The following CELF2 variants were observed in gnomAD, a reference collection of about 807,000 sequenced individuals.
CELF2 encodes CUG triplet repeat RNA-binding protein 2.
A neutral mutation model predicts 62.6 loss-of-function variants in CELF2; 8 were observed. The ratio of observed to expected loss-of-function variants is 0.13; its 90% CI spans 0.07 to 0.23. The LOEUF (loss-of-function observed/expected upper bound fraction) is 0.23, where lower values mean the gene tolerates loss of function less well. Ranked by LOEUF, CELF2 falls within the 10% of genes least tolerant of loss-of-function variation. The pLI is 1.00. For missense variants in CELF2, 333 were observed against 671.0 expected, an observed-to-expected ratio of 0.50 and a Z score of 5.56; for synonymous variants, 258 against 250.0, an observed-to-expected ratio of 1.03 and a Z score of -0.30.
intron 2 of CELF2, among the ~76,000 whole-genome samples, chr10:11,205,317 A>G (rs1486471848): frequency 6.6e-6 from 1 of 152,202 alleles, no homozygotes; most frequent in Non-Finnish European, 1.5e-5. Context: ...TGCATTTGTT[A>G]TAAAAGTGGA....
chr10:10,860,447 G>C (rs1190358346), intron 1 of CELF2, among the ~76,000 whole-genome samples: 3 of 152,148 alleles, frequency 2.0e-5, no homozygotes, highest in South Asian at 2.1e-4. Flanking sequence ...TCTCTGACTA[G>C]AGTCTTCTGA....
the CELF2 span, among the ~76,000 whole-genome samples, chr10:10,584,591 A>G: frequency 8.7e-4 from 133 of 152,362 alleles, no homozygotes; most frequent in African/African-American, 3.2e-3. Context: ...GGACATATTT[A>G]GTTTGCTTTA....
chr10:11,208,481 C>T (rs1197883161), intron 2 of CELF2, among the ~76,000 whole-genome samples: 1 of 152,156 alleles, frequency 6.6e-6, no homozygotes, highest in Non-Finnish European at 1.5e-5. Flanking sequence ...AAGGACATGA[C>T]GTAACGCTAA....
At chr10:11,199,958 A>G (rs1296896060) in intron 2 of CELF2, among the ~76,000 whole-genome samples, 2 of 152,182 alleles carry the variant, frequency 1.3e-5, no homozygotes, top group Non-Finnish European at 2.9e-5. Context: ...CCCGGCATTG[A>G]TGTCACAAAA....
At chr10:10,579,210 A>G in the CELF2 span, among the ~76,000 whole-genome samples, 4 of 152,234 alleles carry the variant, frequency 2.6e-5, no homozygotes, top group Non-Finnish European at 4.4e-5. Context: ...GAGACATAGT[A>G]AAATTCAAAT....
the CELF2 span, among the ~76,000 whole-genome samples, chr10:10,489,267 C>A: frequency 3.3e-5 from 5 of 152,168 alleles, no homozygotes; most frequent in Middle Eastern, 6.8e-3. Flanking sequence ...CTTAGAGAGT[C>A]CAGATATGTT....
intron 1 of CELF2, among the ~76,000 whole-genome samples, chr10:11,097,106 C>T (rs1051068843): frequency 1.3e-5 from 2 of 152,144 alleles, no homozygotes; most frequent in Non-Finnish European, 2.9e-5. Context: ...CATGTTTTCC[C>T]TGGGCAATTT....
intron 1 of CELF2, among the ~76,000 whole-genome samples, chr10:11,132,801 C>T (rs911594332): frequency 4.6e-5 from 7 of 152,102 alleles, no homozygotes; most frequent in African/African-American, 1.7e-4. Flanking sequence ...CCAAATGGAC[C>T]CTTAGGCCTT....
chr10:11,136,814 T>A (rs936044765), intron 1 of CELF2, among the ~76,000 whole-genome samples: 4 of 152,166 alleles, frequency 2.6e-5, no homozygotes, highest in Non-Finnish European at 2.9e-5. Context: ...TTAATATTTA[T>A]AATTTAAACA....
chr10:10,636,586 C>T, the CELF2 span, among the ~76,000 whole-genome samples: 6 of 152,154 alleles, frequency 3.9e-5, no homozygotes. Flanking sequence ...TCTTCAATTT[C>T]CCCAACCATC....
In CELF2 at chr10:11,215,090, C is replaced by G. The variant is rs549281002; in HGVS notation, c.272-2335C>G. ...ACCCTTTAAAGTAGCTAAAATCACACTAAGCTGTAATAACTAGCAACAATT... is the reference window on the plus strand; with the variant it reads ...ACCCTTTAAAGTAGCTAAAATCACAGTAAGCTGTAATAACTAGCAACAATT... On this transcript the variant is annotated intron_variant, in intron 2 of 12. Transcript: ENST00000633077. 2.6e-5 allele frequency among the ~76,000 whole-genome samples: 4 copies of G among 152,358 alleles called. No homozygotes were observed. The South Asian group carries it at 6.2e-4, about 24-fold the overall frequency.
At chr10:10,728,485 A>G in the CELF2 span, among the ~76,000 whole-genome samples, 3 of 151,650 alleles carry the variant, frequency 2.0e-5, no homozygotes, top group Non-Finnish European at 4.4e-5. Context: ...GAGAGAGAAA[A>G]AAATGCAAGC....
At chr10:10,904,495 G>T (rs1248257223) in intron 1 of CELF2, among the ~76,000 whole-genome samples, 1 of 152,124 alleles carries the variant, frequency 6.6e-6, no homozygotes, top group Non-Finnish European at 1.5e-5. Flanking sequence ...GCCTCCCAAA[G>T]TGTGGGATTA....
chr10:10,500,548 A>G, the CELF2 span, among the ~76,000 whole-genome samples: 1 of 152,166 alleles, frequency 6.6e-6, no homozygotes. Context: ...GCCATGTAAG[A>G]CATGCCTTTT....
rs140553447 is a variant in CELF2 at position 11,324,860 on chromosome 10, G to A, written c.1295-976G>A. Among the ~76,000 whole-genome samples the A allele has an allele frequency of 2.0e-3, 306 of 152,314 alleles. No individual in the cohort carries two copies. The highest frequency in any genetic ancestry group is 7.1e-3 in the African/African-American group (294 of 41,562). ...TTCCTCTCCTGTGAAGGCCAGTTGA[G>A]GATTCCTGACCCGCTGCAGAAGTCG... On this transcript the variant is annotated intron_variant, in intron 11 of 12. Transcript: ENST00000633077. The surrounding 1 kb of genome is among the most constrained non-coding windows in gnomAD (Gnocchi z 4.7).
At chr10:11,281,287 C>A (rs1416457426) in intron 8 of CELF2, among the ~76,000 whole-genome samples, 1 of 152,044 alleles carries the variant, frequency 6.6e-6, no homozygotes, top group Non-Finnish European at 1.5e-5. Flanking sequence ...GACCCTGAAC[C>A]CTGTCAGGGA....
At chr10:10,945,391 G>T (rs1307721575) in intron 2 of CELF2, among the ~76,000 whole-genome samples, 1 of 152,142 alleles carries the variant, frequency 6.6e-6, no homozygotes. Flanking sequence ...CCACCTATAG[G>T]CACCATAGCA....
At chr10:11,123,672 T>C (rs926747191) in intron 1 of CELF2, among the ~76,000 whole-genome samples, 2 of 152,194 alleles carry the variant, frequency 1.3e-5, no homozygotes, top group African/African-American at 4.8e-5. Flanking sequence ...ATTTGCTCTT[T>C]GCAGAAAAGA....
chr10:10,932,057 A>T (rs998324984), intron 2 of CELF2, among the ~76,000 whole-genome samples: 1 of 152,192 alleles, frequency 6.6e-6, no homozygotes, highest in Non-Finnish European at 1.5e-5. Flanking sequence ...AGTGTGTGGG[A>T]ATTCAAAATG....
Sources: gnomAD v4.1 joint callset for allele counts (sites outside exome capture counted in the v4.1 genomes callset) on GRCh38, gnomAD v4.1.1 for gene constraint, Gnocchi (gnomAD v3.1) non-coding constraint, MANE v1.5 for transcripts, NCBI Gene and HGNC (gene_info 2026-07-23, HGNC 2026-07-21) for gene names.